ABLIM1: variants seen among roughly 807,000 people sequenced by gnomAD.
ABLIM1 encodes actin-binding LIM protein 1.
Under a neutral mutation model 107.0 loss-of-function variants are expected in ABLIM1, and 40 were observed. The observed-to-expected ratio is 0.37, with a 90% CI of 0.29 to 0.49. The LOEUF is 0.49. ABLIM1 is among the 20% of genes least tolerant of loss of function. ABLIM1 has a pLI of 0.97. For missense variants in ABLIM1, 857 were observed against 1,008.5 expected, an observed-to-expected ratio of 0.85 and a Z score of 2.04; for synonymous variants, 357 against 357.3, an observed-to-expected ratio of 1.00 and a Z score of 0.01.
At chr10:114,733,055 A>G (rs808341) in intron 1 of ABLIM1, among the ~76,000 whole-genome samples, 152,028 of 152,308 alleles carry the variant, frequency 1, 75,874 homozygotes, top group Middle Eastern at 1. Context: ...AAAGTGGCTC[A>G]ATTATGTTGT....
Position 114,691,131 on chromosome 10 carries a change from T to C in ABLIM1, c.-213+76930A>G, listed in dbSNP as rs2081068706. ...GAAAACTAAGCCTAAAGACAGTAAT[T>C]TTTTTCAGAGTCACATCTTGTATGC... On this transcript the variant is annotated intron_variant, in intron 1 of 15. Coordinates refer to the ABLIM1 transcript ENST00000651092. Among the ~76,000 whole-genome samples the C allele has an allele frequency of 1.3e-5, 2 of 152,176 alleles. 1 individual carries two copies. Among genetic ancestry groups the C allele is most frequent in the South Asian group, 4.1e-4 (2 of 4,828 alleles).
chr10:114,631,574 G>A (rs539797060), intron 1 of ABLIM1, among the ~76,000 whole-genome samples: 1 of 152,142 alleles, frequency 6.6e-6, no homozygotes, highest in East Asian at 1.9e-4. Flanking sequence ...TGGTAAGAGA[G>A]GAAGAGAATG....
chr10:114,713,188 G>A (rs572089182), intron 1 of ABLIM1, among the ~76,000 whole-genome samples: 1 of 152,220 alleles, frequency 6.6e-6, no homozygotes, highest in African/African-American at 2.4e-5. Context: ...ATGAGAAAAT[G>A]CCTGGGAAGA....
chr10:114,632,940 A>T (rs2078277243), intron 1 of ABLIM1, among the ~76,000 whole-genome samples: 1 of 152,124 alleles, frequency 6.6e-6, no homozygotes, highest in Non-Finnish European at 1.5e-5. Context: ...CTGTCCTGTG[A>T]CCTGTCCTGC....
At chr10:114,635,395 G>C (rs1409102821) in intron 1 of ABLIM1, among the ~76,000 whole-genome samples, 1 of 152,232 alleles carries the variant, frequency 6.6e-6, no homozygotes, top group Non-Finnish European at 1.5e-5. Flanking sequence ...CTTCCTCATA[G>C]CTTATTCTCC....
intron 8 of ABLIM1, among the ~76,000 whole-genome samples, chr10:114,482,168 C>T (rs2057472929): frequency 1.3e-5 from 2 of 152,186 alleles, no homozygotes; most frequent in African/African-American, 2.4e-5. Flanking sequence ...TACACATGCT[C>T]AGTACTGAGT....
chr10:114,582,409 C>A (rs2073500657), intron 2 of ABLIM1, among the ~76,000 whole-genome samples: 1 of 152,088 alleles, frequency 6.6e-6, no homozygotes, highest in African/African-American at 2.4e-5. Flanking sequence ...TTGGAAGAAC[C>A]AAACTTGTTA....
At chr10:114,653,754 A>T (rs1285560757) in intron 1 of ABLIM1, among the ~76,000 whole-genome samples, 2 of 152,160 alleles carry the variant, frequency 1.3e-5, no homozygotes, top group Non-Finnish European at 2.9e-5. Flanking sequence ...GATCTATTTC[A>T]CTGATATATG....
intron 13 of ABLIM1, 102 bp downstream of exon 13, chr10:114,453,277 C>T: frequency 8.0e-7 from 1 of 1,252,122 alleles, no homozygotes; most frequent in Non-Finnish European, 1.2e-6. Context: ...GTTAACTGTG[C>T]ATCCCAATTA....
At chr10:114,680,563 G>GTTTC (rs1304769581) in intron 1 of ABLIM1, among the ~76,000 whole-genome samples, 2 of 152,210 alleles carry the variant, frequency 1.3e-5, no homozygotes, top group Non-Finnish European at 2.9e-5. Context: ...GGCAGAAATG[G>GTTTC]TTTCTGAGGA....
intron 6 of ABLIM1, among the ~76,000 whole-genome samples, chr10:114,523,794 TTGTC>T (rs1226156880): frequency 6.6e-6 from 1 of 152,192 alleles, no homozygotes. Context: ...TGACATTCAT[TTGTC>T]TGTTCATCAA....
chr10:114,623,185 T>C (rs2077575071), intron 1 of ABLIM1, among the ~76,000 whole-genome samples: 1 of 152,208 alleles, frequency 6.6e-6, no homozygotes. Flanking sequence ...TGATTCCAGG[T>C]AAACATGCTC....
intron 1 of ABLIM1, among the ~76,000 whole-genome samples, chr10:114,673,938 T>C (rs1223099375): frequency 6.6e-6 from 1 of 151,742 alleles, no homozygotes; most frequent in Non-Finnish European, 1.5e-5. Context: ...GCAAATGTAA[T>C]CAGAGGAAAA....
intron 10 of ABLIM1, among the ~76,000 whole-genome samples, chr10:114,471,523 G>A (rs986854465): frequency 3.9e-5 from 6 of 152,072 alleles, no homozygotes; most frequent in Admixed American, 1.3e-4. Flanking sequence ...GAGAGCGGCC[G>A]CAAGTGCAGC....
rs187708234 is a variant in ABLIM1, at chr10:114,521,653, C to G, written c.894+23352G>C. Among the ~76,000 whole-genome samples, 227 of 152,208 alleles carry G rather than the reference C, an allele frequency of 1.5e-3. 2 individuals carry two copies. Among genetic ancestry groups the G allele is most frequent in the Non-Finnish European group, 3.5e-4 (24 of 67,986 alleles). On this transcript the variant is annotated intron_variant, in intron 6 of 22. Transcript: ENST00000533213. Reference sequence around the variant, plus strand: ...GAAATTTACTCGGTAGTCAACCCCCCTCCTTTCCCCGCTCCTTCTTTCCTT... The same window carrying G: ...GAAATTTACTCGGTAGTCAACCCCCGTCCTTTCCCCGCTCCTTCTTTCCTT...
chr10:114,536,207 G>C (rs1020221721), intron 6 of ABLIM1, among the ~76,000 whole-genome samples: 1 of 112,526 alleles, frequency 8.9e-6, no homozygotes, highest in African/African-American at 3.5e-5. Context: ...TTTTGTGACT[G>C]TCTTTTTCCT....
intron 1 of ABLIM1, among the ~76,000 whole-genome samples, chr10:114,704,570 T>C (rs1458569260): frequency 6.6e-6 from 1 of 150,378 alleles, no homozygotes; most frequent in Non-Finnish European, 1.5e-5. Flanking sequence ...ATAGCTCATT[T>C]ATGCTTCATA....
intron 1 of ABLIM1, among the ~76,000 whole-genome samples, chr10:114,695,847 C>A (rs376553607): frequency 1.3e-5 from 2 of 152,104 alleles, no homozygotes; most frequent in East Asian, 1.9e-4. Context: ...GATCTCTGAT[C>A]GTAAGAGATT....
chr10:114,649,365 G>A (rs1285755587), intron 1 of ABLIM1, among the ~76,000 whole-genome samples: 1 of 151,268 alleles, frequency 6.6e-6, no homozygotes, highest in Non-Finnish European at 1.5e-5. Context: ...TCACACCAGT[G>A]TGCTCCAGCC....
Sources: gnomAD v4.1 joint callset for allele counts (sites outside exome capture counted in the v4.1 genomes callset) on GRCh38, gnomAD v4.1.1 for gene constraint, MANE v1.5 for transcripts, NCBI Gene and HGNC (gene_info 2026-07-23, HGNC 2026-07-21) for gene names.